Variants in MAPRE3 observed in about 807,000 individuals in gnomAD.
MAPRE3 encodes microtubule-associated protein RP/EB family member 3.
In MAPRE3, 2 loss-of-function variants were observed where a neutral mutation model predicts 30.5. The ratio of observed to expected loss-of-function variants is 0.07; its 90% confidence interval spans 0.03 to 0.21. The LOEUF (loss-of-function observed/expected upper bound fraction) is 0.21. Ranked by LOEUF, MAPRE3 falls within the 10% of genes least tolerant of loss-of-function variation. MAPRE3 has a pLI of 1.00. For missense variants in MAPRE3, 204 were observed against 351.8 expected (o/e 0.58, Z 3.36); for synonymous variants, 110 against 127.7 (o/e 0.86, Z 0.93).
At chr2:27,026,068 C>G in intron 6 of MAPRE3, 36 bp downstream of exon 6, 1 of 1,612,110 alleles carries the variant, frequency 6.2e-7, no homozygotes, top group Non-Finnish European at 8.5e-7. Context: ...CCTCCCCAGT[C>G]TGGCCTGGCC....
intron 1 of MAPRE3, among the ~76,000 whole-genome samples, chr2:26,998,583 A>G (rs992939756): frequency 1.3e-5 from 2 of 152,188 alleles, no homozygotes; most frequent in Non-Finnish European, 2.9e-5. Flanking sequence ...AGAACATTCT[A>G]TGTGCTGGAC....
intron 1 of MAPRE3, among the ~76,000 whole-genome samples, chr2:27,001,106 T>G (rs542400057): frequency 6.6e-6 from 1 of 152,238 alleles, no homozygotes; most frequent in East Asian, 1.9e-4. Flanking sequence ...TGTTGGTATA[T>G]TTTTGTTCTG....
chr2:27,013,363 C>T (rs757763254), intron 1 of MAPRE3: 1 of 152,200 alleles, frequency 6.6e-6, no homozygotes, highest in Non-Finnish European at 1.5e-5. Flanking sequence ...GTTTAAATCC[C>T]TTGCCAAGGT....
intron 1 of MAPRE3, chr2:27,014,214 A>G (rs570740440): frequency 6.6e-6 from 1 of 152,262 alleles, no homozygotes; most frequent in East Asian, 1.9e-4. Flanking sequence ...GCGATGAGAA[A>G]TTTTGTTTAC....
At chr2:26,997,385 G>C (rs1417728218) in intron 1 of MAPRE3, among the ~76,000 whole-genome samples, 2 of 152,092 alleles carry the variant, frequency 1.3e-5, no homozygotes, top group South Asian at 2.1e-4. Context: ...CTCATGAGCT[G>C]TCCTTTGTGT....
chr2:27,006,851 C>T lies in MAPRE3; in HGVS notation c.-7-15361C>T, dbSNP rs1414951670. On this transcript the variant is annotated intron_variant, in intron 1 of 6. Transcript: ENST00000233121. ...ATGCCATCTTCAGAAAAGAACAATACATTTGTAGAGAAATAACAGGACAGA... is the reference window on the plus strand; with the variant it reads ...ATGCCATCTTCAGAAAAGAACAATATATTTGTAGAGAAATAACAGGACAGA... 3.9e-5 allele frequency among the ~76,000 whole-genome samples: 6 copies of T among 152,206 alleles called. No homozygotes were observed. In the East Asian group the frequency reaches 1.2e-3, roughly 29 times the overall value.
chr2:26,973,596 G>A (rs1303520860), intron 1 of MAPRE3, among the ~76,000 whole-genome samples: 3 of 149,786 alleles, frequency 2.0e-5, no homozygotes, highest in Non-Finnish European at 3.0e-5. Context: ...CGCCCAGGCC[G>A]GACTGCGGAC....
intron 1 of MAPRE3, among the ~76,000 whole-genome samples, chr2:26,999,504 T>C (rs1276786480): frequency 7.7e-6 from 1 of 129,352 alleles, no homozygotes; most frequent in East Asian, 2.2e-4. Flanking sequence ...TTTTTTTTTT[T>C]TTTTTTTTTT....
chr2:26,973,164 T>C (rs940820731), intron 1 of MAPRE3, among the ~76,000 whole-genome samples: 1 of 152,222 alleles, frequency 6.6e-6, no homozygotes, highest in African/African-American at 2.4e-5. Context: ...TTAGAAACAT[T>C]AAAACCCTCG....
chr2:27,022,544 A>G, intron 2 of MAPRE3: 1 of 616,160 alleles, frequency 1.6e-6, no homozygotes, highest in Non-Finnish European at 2.8e-6. Context: ...AGCCTACTAC[A>G]CACCTCGGCT....
chr2:26,996,198 G>T (rs954087393), intron 1 of MAPRE3, among the ~76,000 whole-genome samples: 5 of 150,442 alleles, frequency 3.3e-5, no homozygotes, highest in African/African-American at 1.2e-4. Flanking sequence ...TGTTGCCCGG[G>T]CTGGAGTACA....
chr2:26,989,307 A>G (rs1236711236), intron 1 of MAPRE3, among the ~76,000 whole-genome samples: 1 of 152,166 alleles, frequency 6.6e-6, no homozygotes, highest in Non-Finnish European at 1.5e-5. Flanking sequence ...CAGGGAAAGA[A>G]ATGACTCGTC....
chr2:26,972,508 G>C (rs541929457), intron 1 of MAPRE3, among the ~76,000 whole-genome samples: 1 of 152,198 alleles, frequency 6.6e-6, no homozygotes, highest in African/African-American at 2.4e-5. Context: ...TCGAATGCCA[G>C]ACTGGGGTTT....
chr2:26,997,257 G>T (rs992042888), intron 1 of MAPRE3, among the ~76,000 whole-genome samples: 1 of 152,148 alleles, frequency 6.6e-6, no homozygotes, highest in African/African-American at 2.4e-5. Context: ...CTTAGATCAA[G>T]CTTGTCCAAT....
At chr2:26,981,778 G>A (rs1297408427) in intron 1 of MAPRE3, among the ~76,000 whole-genome samples, 1 of 151,310 alleles carries the variant, frequency 6.6e-6, no homozygotes, top group East Asian at 2.0e-4. Context: ...ACAAAAGAGT[G>A]GCACCCAGCC....
chr2:26,991,673 T>A (rs1047489088), intron 1 of MAPRE3, among the ~76,000 whole-genome samples: 3 of 152,212 alleles, frequency 2.0e-5, no homozygotes, highest in Non-Finnish European at 4.4e-5. Flanking sequence ...GTTTATCTCC[T>A]TTCTATTTCC....
chr2:26,982,660 A>C (rs533861663), intron 1 of MAPRE3, among the ~76,000 whole-genome samples: 1 of 152,346 alleles, frequency 6.6e-6, no homozygotes, highest in African/African-American at 2.4e-5. Context: ...TAGTCAGCCT[A>C]CCTGAGAATA....
In MAPRE3 at chr2:27,018,930, T is replaced by TA. The variant is rs1558386008; in HGVS notation, c.-7-3282_-7-3281insA. On this transcript the variant is annotated intron_variant, in intron 1 of 6. Coordinates refer to ENST00000233121, the MANE Select transcript of MAPRE3 (RefSeq NM_012326.4). ...TTATTTATTTATTTATTTATTTATT[T>TA]TTTGGAGATGGATTCTGGCTCTGTC... Among the ~76,000 whole-genome samples, 16 of 151,062 alleles carry TA rather than the reference T, an allele frequency of 1.1e-4. No homozygotes were observed. The East Asian group carries it at 1.2e-3, about 11-fold the overall frequency.
intron 1 of MAPRE3, among the ~76,000 whole-genome samples, chr2:26,990,564 A>G (rs1226205275): frequency 6.6e-6 from 1 of 152,224 alleles, no homozygotes; most frequent in Non-Finnish European, 1.5e-5. Flanking sequence ...AAAACTCACA[A>G]TATTTCTATT....
Sources: gnomAD v4.1 joint callset for allele counts (sites outside exome capture counted in the v4.1 genomes callset) on GRCh38, gnomAD v4.1.1 for gene constraint, MANE v1.5 for transcripts, NCBI Gene and HGNC (gene_info 2026-07-23, HGNC 2026-07-21) for gene names.